Variants in LRWD1 observed in about 807,000 individuals in gnomAD.
LRWD1 encodes leucine-rich repeat and WD repeat-containing protein 1.
In LRWD1, 76 loss-of-function variants were observed where a neutral mutation model predicts 75.6. The observed-to-expected ratio is 1.01, with a 90% confidence interval of 0.84 to 1.22. The LOEUF (loss-of-function observed/expected upper bound fraction) is 1.22, where lower values mean the gene tolerates loss of function less well. LRWD1 is among the 50% of genes most tolerant of loss of function. The probability of loss-of-function intolerance (pLI) is 0.00; values close to 1 mark genes in which losing one functional copy is unlikely to be tolerated. For synonymous variants in LRWD1, 487 were observed against 377.0 expected (o/e 1.29, Z -3.38); for missense variants, 917 against 862.0 (o/e 1.06, Z -0.80).
At position 102,472,600 on chromosome 7, in the gene LRWD1, G is replaced by A. The variant is rs747690267; in HGVS notation, c.1681G>A (p.Ala561Thr). The A allele has an allele frequency of 4.4e-5, 70 of 1,608,930 alleles. No homozygotes were observed. In the Middle Eastern group the frequency reaches 4.9e-4, roughly 11 times the overall value. Residue 561 changes from alanine (A) to threonine (T), a missense_variant, in exon 13 of 15, where the codon GCC becomes ACC. By Grantham distance (58) the Ala-to-Thr change is moderately conservative. Transcript: ENST00000292616. ...CGAGTTGGCCTACTTCTCGCTCAGC[G>A]CCTGCCCTGGTGAGCCTGCCCCCCT... ...STELAYFSLS[A>T]CPDKGIVLCG...
At position 102,473,130 on chromosome 7, in the gene LRWD1, T is replaced by C; in HGVS notation, c.*81T>C. 9 of 1,412,144 alleles carry C rather than the reference T, an allele frequency of 6.4e-6. No individual in the cohort carries two copies. The highest frequency in any genetic ancestry group is 8.7e-6 in the Non-Finnish European group (9 of 1,040,146). The allele number at this position is 1,412,144 out of a possible 1,614,324, so 87.5% of individuals were successfully genotyped here. A position where few individuals can be genotyped will look rare whatever the true frequency, so the allele number is the denominator to read the frequency against. ...GCCGATGGGGGTGGGGGGGGGTCTT[T>C]CAGTGAATATTTTTATTAAACTCTA... On this transcript the variant is annotated 3_prime_UTR_variant, in exon 15 of 15. Coordinates refer to ENST00000292616, the MANE Select transcript of LRWD1 (RefSeq NM_152892.3).
intron 11 of LRWD1, chr7:102,471,736 TCATTCCCC>T (rs1360158903): frequency 1.2e-4 from 22 of 185,892 alleles, no homozygotes; most frequent in Non-Finnish European, 1.9e-4. Context: ...AGCCATTCCC[TCATTCCCC>T]CATTCCCCCG....
In LRWD1 at chr7:102,472,794, C is replaced by T. The variant is rs757003570; in HGVS notation, c.1793C>T (p.Ala598Val). 1.9e-6 allele frequency: 3 copies of T among 1,613,250 alleles called. No homozygotes were observed. Among genetic ancestry groups the T allele is most frequent in the Admixed American group, 1.7e-5 (1 of 59,984 alleles). Residue 598 changes from alanine to valine, a missense_variant, in exon 14 of 15, where the codon GCC (alanine) becomes GTC (valine). Physicochemically the swap from Ala to Val is moderately conservative, Grantham distance 64. Transcript: ENST00000292616. ...CCCCTGCTGCCGGCAGCCCTGCAGG[C>T]CCCCACACAGGTACTGCCCGGCTCA... ...QPPLLPAALQ[A>V]PTQILKWPQP... is the part of the protein sequence containing the mutation.
Position 102,465,067 on chromosome 7 carries a change from T to A in LRWD1, c.-14T>A, listed in dbSNP as rs923217944. ...GGTGGCCGACTGGGTCAGCGCGGGCTGCGCCTCCTCGCCATGGGCCCCCTC... is the reference window on the plus strand; with the variant it reads ...GGTGGCCGACTGGGTCAGCGCGGGCAGCGCCTCCTCGCCATGGGCCCCCTC... On this transcript the variant is annotated 5_prime_UTR_variant, in exon 1 of 15. Coordinates refer to ENST00000292616, the MANE Select transcript of LRWD1 (RefSeq NM_152892.3). 2 of 1,479,742 alleles carry A rather than the reference T, an allele frequency of 1.4e-6. No individual in the cohort carries two copies. Among genetic ancestry groups the A allele is most frequent in the Non-Finnish European group, 1.8e-6 (2 of 1,116,622 alleles). 91.7% of individuals were successfully genotyped at this position (1,479,742 alleles called of 1,614,324 possible).
At chr7:102,472,154 T>C (rs1222032848) in intron 11 of LRWD1, 64 bp from the exon 12 acceptor site, 9 of 1,462,688 alleles carry the variant, frequency 6.2e-6, no homozygotes, top group Non-Finnish European at 8.4e-6. Flanking sequence ...TGCAGATGCC[T>C]GGGTGAGTGG....
At position 102,466,584 on chromosome 7, in the gene LRWD1, T is replaced by G. The variant is rs1308919069; in HGVS notation, c.432+314T>G. On this transcript the variant is annotated intron_variant, in intron 3 of 14. Coordinates refer to ENST00000292616, the MANE Select transcript of LRWD1 (RefSeq NM_152892.3). ...CACCTGCCACCATGCCCAGCTAATT[T>G]TTTTTGTATTTTTAGTAGAGACAGG... Among the ~76,000 whole-genome samples the G allele has an allele frequency of 3.3e-5, 5 of 151,668 alleles. No homozygotes were observed. In the South Asian group the frequency reaches 1.0e-3, roughly 31 times the overall value.
chr7:102,472,880 A>G, intron 14 of LRWD1, 29 bp from the exon 15 acceptor site: 10 of 1,608,670 alleles, frequency 6.2e-6, no homozygotes, highest in African/African-American at 1.3e-5. Context: ...GCAGGAGCCC[A>G]GCCCAGCCCT....
chr7:102,468,648 C>G lies in LRWD1; in HGVS notation c.1014C>G (p.Pro338=), dbSNP rs368307560. The change falls in exon 8 of 15, where the codon CCC becomes CCG. Residue 338 remains proline, a synonymous_variant. Transcript: ENST00000292616. ...TCGTGCTCCACAAGTACAAGGCACC[C>G]GGCGAGGTGAGTGCAAGGCCCTGTC... ...TGIVLHKYKA[P]GEEFFSVAWT... is the part of the protein sequence containing the mutation. The G allele has an allele frequency of 5.8e-6, 9 of 1,564,378 alleles. No homozygotes were observed. The highest frequency in any genetic ancestry group is 7.8e-6 in the Non-Finnish European group (9 of 1,154,588).
intron 11 of LRWD1, chr7:102,471,990 C>T (rs1197365602): frequency 3.8e-6 from 2 of 525,786 alleles, no homozygotes; most frequent in East Asian, 3.4e-5. Context: ...AAGAGCCACC[C>T]CTCGTGCCTC....
intron 11 of LRWD1, chr7:102,470,740 A>C (rs2133271655): frequency 6.6e-6 from 1 of 152,324 alleles, no homozygotes; most frequent in East Asian, 1.9e-4. Context: ...GGGCTTCGTC[A>C]GCCACGGTAA....
rs781559915 is a variant in LRWD1, at chr7:102,472,470, C to A, written c.1551C>A (p.Gly517=). 1 of 1,537,418 alleles carries A rather than the reference C, an allele frequency of 6.5e-7. No homozygotes were observed. The highest frequency in any genetic ancestry group is 1.2e-5 in the South Asian group (1 of 82,900). The change falls in exon 13 of 15, where the codon GGC becomes GGA. Residue 517 remains glycine, a synonymous_variant. Coordinates refer to ENST00000292616, the MANE Select transcript of LRWD1 (RefSeq NM_152892.3). Reference sequence around the variant, plus strand: ...CCCCCACAGCCTCCAAGGGGAGCGGCCTGGGCACCATCTGCCTGTGGAGCT... The same window carrying A: ...CCCCCACAGCCTCCAAGGGGAGCGGACTGGGCACCATCTGCCTGTGGAGCT... ...NEDIVASKGS[G]LGTICLWSWR...
At chr7:102,466,937 C>T (rs538794932) in intron 3 of LRWD1, among the ~76,000 whole-genome samples, 1 of 151,458 alleles carries the variant, frequency 6.6e-6, no homozygotes, top group Admixed American at 6.6e-5. Flanking sequence ...CATGCCACCA[C>T]GTCTGGATCA....
intron 1 of LRWD1, chr7:102,465,419 A>G (rs750804757): frequency 2.7e-6 from 1 of 372,318 alleles, no homozygotes; most frequent in African/African-American, 2.3e-5. Flanking sequence ...AGCACAGACG[A>G]GCCCCCGAAG....
rs148666964 is a variant in LRWD1 at position 102,471,670 on chromosome 7, C to T, written c.1443-548C>T. On this transcript the variant is annotated intron_variant, in intron 11 of 14. Transcript: ENST00000292616. Reference sequence around the variant, plus strand: ...TAGCCTCCGAGAGTCAGGTAGCTGCCGGGACACTTCTCCAAGCAGACACTC... The same window carrying T: ...TAGCCTCCGAGAGTCAGGTAGCTGCTGGGACACTTCTCCAAGCAGACACTC... 8.4e-4 allele frequency: 132 copies of T among 157,730 alleles called. No individual in the cohort carries two copies. The Middle Eastern group carries it at 0.019, about 23-fold the overall frequency. The allele number at this position is 157,730 out of a possible 1,614,324, so 9.8% of individuals were successfully genotyped here. A position where few individuals can be genotyped will look rare whatever the true frequency, so the allele number is the denominator to read the frequency against.
Position 102,472,555 on chromosome 7 carries a change from C to T in LRWD1, c.1636C>T (p.Arg546Trp), listed in dbSNP as rs764596350. Residue 546 changes from arginine to tryptophan, a missense_variant, in exon 13 of 15, where the codon CGG becomes TGG. Arg to Trp is a moderately radical substitution (Grantham distance 101). Transcript: ENST00000292616. The part of the protein sequence containing the change: ...QSTVAVVVLA[R>W]LQWSSTELAY... The stretch of plus-strand genomic sequence containing the variant: ...CACGGTGGCAGTGGTGGTCCTGGCG[C>T]GGCTGCAATGGTCGTCCACCGAGTT... 7.5e-6 allele frequency: 12 copies of T among 1,598,136 alleles called. No individual in the cohort carries two copies. Among genetic ancestry groups the T allele is most frequent in the African/African-American group, 5.4e-5 (4 of 74,674 alleles).
chr7:102,467,486 C>T lies in LRWD1; in HGVS notation c.573+7C>T. On this transcript the variant is annotated splice_region_variant and intron_variant, in intron 4 of 14. Transcript: ENST00000292616. ...CGAGTTCACCCAGTGGCGGGTATGT[C>T]CCTGTCCCAATGTGCAGGGAGTCAC... 1 of 1,611,718 alleles carries T rather than the reference C, an allele frequency of 6.2e-7. No individual in the cohort carries two copies. Among genetic ancestry groups the T allele is most frequent in the Non-Finnish European group, 8.5e-7 (1 of 1,179,760 alleles).
intron 11 of LRWD1, chr7:102,471,025 C>T (rs112736672): frequency 0.062 from 9,431 of 152,134 alleles, 330 homozygotes; most frequent in Non-Finnish European, 0.075. Context: ...ACCCCCCCAC[C>T]GGGTTCAAGC....
intron 5 of LRWD1, 105 bp downstream of exon 5, chr7:102,467,928 T>C (rs1324197046): frequency 6.7e-7 from 1 of 1,499,452 alleles, no homozygotes; most frequent in Non-Finnish European, 8.9e-7. Context: ...GCACCCCAGG[T>C]CCTGGCTCAC....
At chr7:102,465,671 CTAAAAA>C in intron 1 of LRWD1, 140 bp from the exon 2 acceptor site, 1 of 644,312 alleles carries the variant, frequency 1.6e-6, no homozygotes, top group Non-Finnish European at 2.7e-6. Flanking sequence ...CACCCCGTCT[CTAAAAA>C]TAAAGTAACG....
Sources: allele counts gnomAD v4.1 joint callset (sites outside exome capture counted in the v4.1 genomes callset), GRCh38; gene constraint gnomAD v4.1.1; transcripts MANE v1.5; gene names NCBI Gene and HGNC (gene_info 2026-07-23, HGNC 2026-07-21).